Variants in MATCAP2 observed in about 807,000 individuals in gnomAD.
The protein encoded by MATCAP2 is microtubule associated tyrosine carboxypeptidase 2, also known as putative tyrosine carboxypeptidase MATCAP2.
the MATCAP2 span, chr7:36,356,785 A>T: frequency 1.1e-6 from 1 of 892,644 alleles, no homozygotes; most frequent in Non-Finnish European, 1.8e-6. Flanking sequence ...AGTGGGAATT[A>T]ACCATAACAT....
the MATCAP2 span, among the ~76,000 whole-genome samples, chr7:36,368,002 T>C: frequency 6.7e-6 from 1 of 149,854 alleles, no homozygotes; most frequent in African/African-American, 2.5e-5. Context: ...GAGGTGAGAA[T>C]GTAGTGAGCC....
the MATCAP2 span, among the ~76,000 whole-genome samples, chr7:36,351,976 A>G: frequency 6.6e-6 from 1 of 151,550 alleles, no homozygotes; most frequent in Non-Finnish European, 1.5e-5. Context: ...TTAAGATACA[A>G]TAACACAAGG....
the MATCAP2 span, among the ~76,000 whole-genome samples, chr7:36,342,717 C>T: frequency 5.5e-3 from 823 of 150,906 alleles, 11 homozygotes; most frequent in Middle Eastern, 0.035. Context: ...TTCCACCTCC[C>T]AGGTTCAAGC....
chr7:36,370,330 G>A, the MATCAP2 span, among the ~76,000 whole-genome samples: 1 of 152,154 alleles, frequency 6.6e-6, no homozygotes, highest in Non-Finnish European at 1.5e-5. Context: ...ATCTTTCTGA[G>A]AAACTTTCCT....
the MATCAP2 span, chr7:36,326,753 CT>C: frequency 8.0e-5 from 129 of 1,608,310 alleles, no homozygotes; most frequent in Non-Finnish European, 1.1e-4. Context: ...TGCCAGAACG[CT>C]AATTACTATA....
the MATCAP2 span, chr7:36,327,036 T>G: frequency 6.9e-6 from 6 of 871,138 alleles, no homozygotes; most frequent in Non-Finnish European, 1.0e-5. Flanking sequence ...ATTATTTTAA[T>G]AGCTGCAAAG....
the MATCAP2 span, among the ~76,000 whole-genome samples, chr7:36,352,997 C>T: frequency 9.2e-5 from 14 of 151,716 alleles, no homozygotes; most frequent in East Asian, 5.8e-4. Flanking sequence ...AGGTCAGGCC[C>T]GGCGCAGTGG....
the MATCAP2 span, among the ~76,000 whole-genome samples, chr7:36,386,447 A>G: frequency 2.6e-4 from 39 of 148,536 alleles, no homozygotes; most frequent in African/African-American, 4.2e-4. Flanking sequence ...GTATGTGTGT[A>G]TGTGTGTGTG....
At chr7:36,335,185 G>A in the MATCAP2 span, 1 of 1,613,282 alleles carries the variant, frequency 6.2e-7, no homozygotes, top group Non-Finnish European at 8.5e-7. Context: ...CAATCTAAGG[G>A]GCAAGAGAAA....
chr7:36,328,573 G>A, the MATCAP2 span, among the ~76,000 whole-genome samples: 4 of 151,666 alleles, frequency 2.6e-5, no homozygotes, highest in Admixed American at 6.6e-5. Context: ...GTGAAACCCC[G>A]TCTCTACTAA....
the MATCAP2 span, chr7:36,333,966 A>T: frequency 6.2e-7 from 1 of 1,614,132 alleles, no homozygotes; most frequent in Non-Finnish European, 8.5e-7. Context: ...ACAAAAAGAC[A>T]TTTGGCTGGC....
chr7:36,350,773 C>T, the MATCAP2 span, among the ~76,000 whole-genome samples: 1 of 152,118 alleles, frequency 6.6e-6, no homozygotes, highest in Non-Finnish European at 1.5e-5. Context: ...TAGACATGAG[C>T]CACCATGCCC....
At chr7:36,342,880 T>C in the MATCAP2 span, among the ~76,000 whole-genome samples, 4 of 152,082 alleles carry the variant, frequency 2.6e-5, no homozygotes, top group South Asian at 2.1e-4. Flanking sequence ...CCTGCCTCCA[T>C]CTCCCAAAGT....
the MATCAP2 span, among the ~76,000 whole-genome samples, chr7:36,328,249 G>GGGT: frequency 3.4e-5 from 4 of 116,614 alleles, no homozygotes; most frequent in East Asian, 1.1e-3. Context: ...TAGGGGGGGG[G>GGGT]GGTCTTGCTA....
At chr7:36,335,314 A>G in the MATCAP2 span, 5 of 835,664 alleles carry the variant, frequency 6.0e-6, no homozygotes, top group South Asian at 4.6e-5. Flanking sequence ...CCAGAAACCA[A>G]GAAGGAATGT....
chr7:36,356,960 G>C, the MATCAP2 span: 1 of 1,614,240 alleles, frequency 6.2e-7, no homozygotes, highest in Non-Finnish European at 8.5e-7. Context: ...TGGCAGAGCA[G>C]GATTGGCATA....
chr7:36,324,361 A>C, the MATCAP2 span: 2 of 152,248 alleles, frequency 1.3e-5, no homozygotes, highest in Admixed American at 6.5e-5. Context: ...TTATGTTTGC[A>C]AACATTAATT....
the MATCAP2 span, chr7:36,336,398 G>T: frequency 2.1e-6 from 2 of 957,564 alleles, no homozygotes; most frequent in Non-Finnish European, 2.9e-6. Context: ...TAGGTTTATT[G>T]ATTTCCAAAT....
the MATCAP2 span, among the ~76,000 whole-genome samples, chr7:36,348,135 G>C: frequency 6.6e-6 from 1 of 152,152 alleles, no homozygotes; most frequent in Non-Finnish European, 1.5e-5. Context: ...GGTTACTTCA[G>C]ATAAGCATGG....
Sources: gnomAD v4.1 joint callset for allele counts (sites outside exome capture counted in the v4.1 genomes callset) on GRCh38, gnomAD v4.1.1 for gene constraint, MANE v1.5 for transcripts, NCBI Gene and HGNC (gene_info 2026-07-23, HGNC 2026-07-21) for gene names.